The following CACNA1E variants were observed in gnomAD, a reference collection of about 807,000 sequenced individuals.
The protein encoded by CACNA1E is calcium voltage-gated channel subunit alpha1 E.
Under a neutral mutation model 259.2 loss-of-function variants are expected in CACNA1E, and 40 were observed. That is an observed-to-expected ratio of 0.15 (90% CI 0.12 to 0.20). The LOEUF is 0.20. Among genes scored for constraint, CACNA1E ranks in the 10% least tolerant of loss-of-function variants. The pLI, the probability that CACNA1E is intolerant of heterozygous loss-of-function variation, is 1.00. For missense variants in CACNA1E, 1,874 were observed against 3,040.1 expected, an observed-to-expected ratio of 0.62 and a Z score of 9.02; for synonymous variants, 1,104 against 1,138.5, an observed-to-expected ratio of 0.97 and a Z score of 0.61.
intron 2 of CACNA1E, among the ~76,000 whole-genome samples, chr1:181,460,264 T>C (rs1661716690): frequency 6.6e-6 from 1 of 152,120 alleles, no homozygotes; most frequent in Admixed American, 6.5e-5. Flanking sequence ...GTTTGGAGAA[T>C]AGATTGAAGG....
intron 4 of CACNA1E, among the ~76,000 whole-genome samples, 194 bp downstream of exon 4, chr1:181,578,063 GAT>G (rs1651150719): frequency 6.6e-6 from 1 of 152,126 alleles, no homozygotes; most frequent in East Asian, 1.9e-4. Context: ...AAATATAAAA[GAT>G]AATAGAAAAT....
intron 3 of CACNA1E, among the ~76,000 whole-genome samples, chr1:181,567,192 T>C (rs1440250047): frequency 6.6e-6 from 1 of 152,208 alleles, no homozygotes; most frequent in Non-Finnish European, 1.5e-5. Context: ...AATTTAATTA[T>C]GAATGCCATT....
intron 1 of CACNA1E, among the ~76,000 whole-genome samples, chr1:181,410,800 C>T (rs1657790499): frequency 6.6e-6 from 1 of 152,144 alleles, no homozygotes; most frequent in African/African-American, 2.4e-5. Flanking sequence ...CCTCAGCATC[C>T]ATAAAATGAT....
chr1:181,764,790 T>A (rs1035850801), intron 34 of CACNA1E, among the ~76,000 whole-genome samples: 22 of 152,234 alleles, frequency 1.4e-4, no homozygotes, highest in Middle Eastern at 3.2e-3. Context: ...AAACCTTTTT[T>A]TTTTAGAGGA....
chr1:181,745,128 A>G (rs1009786118), intron 25 of CACNA1E, among the ~76,000 whole-genome samples: 1 of 152,132 alleles, frequency 6.6e-6, no homozygotes, highest in Admixed American at 6.5e-5. Context: ...TGGCAGCCAC[A>G]TGGAGGGAGT....
At chr1:181,557,099 G>A (rs572943228) in intron 3 of CACNA1E, among the ~76,000 whole-genome samples, 3 of 152,266 alleles carry the variant, frequency 2.0e-5, no homozygotes, top group East Asian at 1.9e-4. Flanking sequence ...TCATCTTGGG[G>A]AGCATGTTGG....
At chr1:181,662,839 A>G (rs533505385) in intron 7 of CACNA1E, among the ~76,000 whole-genome samples, 1 of 152,338 alleles carries the variant, frequency 6.6e-6, no homozygotes, top group East Asian at 1.9e-4. Context: ...CAGCAAAGAC[A>G]GACTGTGCCC....
chr1:181,798,464 A>G lies in CACNA1E; in HGVS notation c.6572A>G (p.Glu2191Gly), dbSNP rs767186070. The G allele has an allele frequency of 1.9e-6, 3 of 1,613,840 alleles. No homozygotes were observed. Among genetic ancestry groups the G allele is most frequent in the Admixed American group, 1.7e-5 (1 of 60,024 alleles). ...SISPPADGSE[E>G]GSPLTSQALE... ...TCTCCACCTGCTGATGGAAGCGAGG[A>G]GGGCTCCCCGCTGACCTCCCAAGCT... is the stretch of plus-strand genomic sequence containing the variant. Residue 2191 changes from glutamate (E) to glycine (G), a missense_variant, in exon 48 of 48, where the codon GAG (glutamate) becomes GGG (glycine). Coordinates refer to ENST00000367573, the MANE Select transcript of CACNA1E (RefSeq NM_001205293.3). The surrounding 1 kb of genome is among the most constrained non-coding windows in gnomAD (Gnocchi z 4.2).
rs181770096 is a variant in CACNA1E, at chr1:181,778,279, C to T, written c.5267+2051C>T. ...CAGTCTATAGCCACTCCCAACCCAC[C>T]TACTTCCCAATCTCACTAAGGCAAA... On this transcript the variant is annotated intron_variant, in intron 38 of 47. Transcript: ENST00000367573. Among the ~76,000 whole-genome samples, 172 of 152,320 alleles carry T rather than the reference C, an allele frequency of 1.1e-3. 1 individual carries two copies. Among genetic ancestry groups the T allele is most frequent in the African/African-American group, 3.6e-3 (148 of 41,554 alleles).
chr1:181,338,234 C>A (rs1190312760), intron 1 of CACNA1E, among the ~76,000 whole-genome samples: 1 of 152,032 alleles, frequency 6.6e-6, no homozygotes, highest in Admixed American at 6.6e-5. Flanking sequence ...TACAGGTGTG[C>A]GCCACTATAC....
intron 27 of CACNA1E, among the ~76,000 whole-genome samples, chr1:181,754,519 T>C (rs1194677895): frequency 6.6e-6 from 1 of 152,096 alleles, no homozygotes. Context: ...GGGCCTAGAG[T>C]GGAGGTCTCT....
chr1:181,533,727 A>T (rs1436595011), intron 3 of CACNA1E, among the ~76,000 whole-genome samples: 1 of 152,044 alleles, frequency 6.6e-6, no homozygotes, highest in Non-Finnish European at 1.5e-5. Context: ...CTTATTTGGG[A>T]TATATTTTAT....
At chr1:181,473,627 T>A (rs1238184490) in intron 2 of CACNA1E, among the ~76,000 whole-genome samples, 3 of 152,250 alleles carry the variant, frequency 2.0e-5, no homozygotes, top group Admixed American at 2.0e-4. Flanking sequence ...CCTCCTGGTG[T>A]TGTTTCCACC....
At chr1:181,702,638 C>G (rs1652384619) in intron 7 of CACNA1E, among the ~76,000 whole-genome samples, 2 of 152,136 alleles carry the variant, frequency 1.3e-5, no homozygotes, top group African/African-American at 4.8e-5. Flanking sequence ...CACATTGGCT[C>G]TTTTCTGTTC....
chr1:181,469,547 A>G (rs1417663663), intron 2 of CACNA1E, among the ~76,000 whole-genome samples: 1 of 152,196 alleles, frequency 6.6e-6, no homozygotes. Context: ...GACAACAACA[A>G]AAACAAAAAC....
At chr1:181,524,418 G>A (rs1391926372) in intron 3 of CACNA1E, among the ~76,000 whole-genome samples, 1 of 152,202 alleles carries the variant, frequency 6.6e-6, no homozygotes, top group Non-Finnish European at 1.5e-5. Context: ...GGCTATAGGA[G>A]TCTCATTTTT....
chr1:181,541,571 A>G (rs895280912), intron 3 of CACNA1E, among the ~76,000 whole-genome samples: 6 of 152,178 alleles, frequency 3.9e-5, no homozygotes, highest in African/African-American at 9.7e-5. Context: ...TAGCTAATGA[A>G]CAGTTCCAGT....
intron 3 of CACNA1E, among the ~76,000 whole-genome samples, chr1:181,537,767 T>C (rs1368921684): frequency 1.3e-5 from 2 of 152,212 alleles, no homozygotes. Context: ...TGCAAACACA[T>C]CTAATGCCTC....
At chr1:181,428,197 C>T (rs2102236487) in intron 2 of CACNA1E, among the ~76,000 whole-genome samples, 1 of 152,334 alleles carries the variant, frequency 6.6e-6, no homozygotes, top group African/African-American at 2.4e-5. Context: ...CTCAGCATCT[C>T]AGCCTCAAAT....
Sources: gnomAD v4.1 joint callset for allele counts (sites outside exome capture counted in the v4.1 genomes callset) on GRCh38, gnomAD v4.1.1 for gene constraint, Gnocchi (gnomAD v3.1) non-coding constraint, MANE v1.5 for transcripts, NCBI Gene and HGNC (gene_info 2026-07-23, HGNC 2026-07-21) for gene names.